The following ANKS1B variants were observed in gnomAD, a reference collection of about 807,000 sequenced individuals.
The protein encoded by ANKS1B is ankyrin repeat and sterile alpha motif domain containing 1B.
A neutral mutation model predicts 148.3 loss-of-function variants in ANKS1B; 36 were observed. The ratio of observed to expected loss-of-function variants is 0.24; its 90% CI spans 0.19 to 0.32. The LOEUF (loss-of-function observed/expected upper bound fraction) is 0.32, where lower values mean the gene tolerates loss of function less well. Among genes scored for constraint, ANKS1B ranks in the 10% least tolerant of loss-of-function variants. ANKS1B has a pLI of 1.00. For missense variants in ANKS1B, 1,157 were observed against 1,542.6 expected (o/e 0.75, Z 4.19); for synonymous variants, 542 against 560.8 (o/e 0.97, Z 0.47).
At chr12:99,793,971 C>T (rs990495465) in intron 4 of ANKS1B, among the ~76,000 whole-genome samples, 2 of 151,816 alleles carry the variant, frequency 1.3e-5, no homozygotes, top group Non-Finnish European at 2.9e-5. Flanking sequence ...AAAAACTTTA[C>T]AGGAAAACAT....
intron 17 of ANKS1B, among the ~76,000 whole-genome samples, chr12:98,953,537 GTTTTTTTTTTTTTTTTTTT>G (rs1166158783): frequency 1.7e-5 from 1 of 57,424 alleles, no homozygotes; most frequent in Non-Finnish European, 3.2e-5. Flanking sequence ...ATCTAGAGTG[GTTTTTTTTTTTTTTTTTTT>G]TTTTTTTTTT....
intron 12 of ANKS1B, among the ~76,000 whole-genome samples, chr12:99,276,677 C>T (rs1441763826): frequency 6.6e-6 from 1 of 152,106 alleles, no homozygotes; most frequent in Non-Finnish European, 1.5e-5. Context: ...TTATGGCAGC[C>T]CTAGTAAAAG....
At chr12:99,275,481 C>T (rs1237259473) in intron 12 of ANKS1B, among the ~76,000 whole-genome samples, 1 of 152,202 alleles carries the variant, frequency 6.6e-6, no homozygotes, top group Non-Finnish European at 1.5e-5. Context: ...CTTAACATAA[C>T]ATCCTCCAGT....
intron 19 of ANKS1B, among the ~76,000 whole-genome samples, chr12:98,816,511 C>T (rs1419968521): frequency 6.6e-6 from 1 of 152,122 alleles, no homozygotes; most frequent in African/African-American, 2.4e-5. Flanking sequence ...GGCCAGGTCT[C>T]GGACTCCTGG....
intron 17 of ANKS1B, among the ~76,000 whole-genome samples, chr12:98,917,660 TAATG>T (rs2099796218): frequency 6.6e-6 from 1 of 152,204 alleles, no homozygotes; most frequent in Admixed American, 6.5e-5. Flanking sequence ...TTATCCCAGT[TAATG>T]AATCTCATGA....
intron 12 of ANKS1B, among the ~76,000 whole-genome samples, chr12:99,369,795 C>CGGAG: frequency 1.1e-5 from 1 of 91,176 alleles, no homozygotes; most frequent in African/African-American, 4.4e-5. Context: ...GATAGATGGA[C>CGGAG]GGACGGACAG....
Position 99,382,682 on chromosome 12 carries a change from A to G in ANKS1B, c.1756+16949T>C, listed in dbSNP as rs113833184. On this transcript the variant is annotated intron_variant, in intron 12 of 26. Coordinates refer to ENST00000683438, the MANE Select transcript of ANKS1B (RefSeq NM_001352186.2). ...CACTGCACTCCAGCCTGGGTTGCAG[A>G]GTGGGACTCTGTATTAAAAAAAAAA... Among the ~76,000 whole-genome samples the G allele has an allele frequency of 3.6e-3, 471 of 130,708 alleles. 1 individual carries two copies. The highest frequency in any genetic ancestry group is 0.013 in the African/African-American group (463 of 35,232). 85.7% of individuals were successfully genotyped at this position (130,708 alleles called of 152,430 possible). A position where few individuals can be genotyped will look rare whatever the true frequency, so the allele number is the denominator to read the frequency against.
At chr12:98,818,084 G>GT (rs763218250) in intron 19 of ANKS1B, among the ~76,000 whole-genome samples, 21 of 151,828 alleles carry the variant, frequency 1.4e-4, no homozygotes, top group Non-Finnish European at 2.8e-4. Context: ...CAAGTTTAAG[G>GT]TTTTCCTTCC....
rs565351837 is a variant in ANKS1B at position 99,316,021 on chromosome 12, C to T, written c.1757-69157G>A. 1.2e-4 allele frequency among the ~76,000 whole-genome samples: 18 copies of T among 152,216 alleles called. No homozygotes were observed. The South Asian group carries it at 1.7e-3, about 14-fold the overall frequency. On this transcript the variant is annotated intron_variant, in intron 12 of 26. Coordinates refer to ENST00000683438, the MANE Select transcript of ANKS1B (RefSeq NM_001352186.2). ...GAACTCATCATTTTTTATGGCTGCA[C>T]AGTATTCCATGGTGTATATGTGCCA...
At chr12:98,739,976 C>T (rs910202940), downstream of ANKS1B, among the ~76,000 whole-genome samples, 1 of 152,140 alleles carries the variant, frequency 6.6e-6, no homozygotes, top group African/African-American at 2.4e-5. Flanking sequence ...ACATTGCTTA[C>T]TTAGCAGGAA....
intron 12 of ANKS1B, among the ~76,000 whole-genome samples, chr12:99,275,216 TTTTAG>T (rs2077525568): frequency 6.6e-6 from 1 of 152,166 alleles, no homozygotes; most frequent in South Asian, 2.1e-4. Flanking sequence ...AATTCTACCT[TTTTAG>T]TTATTTTAAA....
chr12:99,246,333 T>G lies in ANKS1B; in HGVS notation c.2288A>C (p.Glu763Ala), dbSNP rs2073884505. ...RVNWSESSTA[E>A]HSSKGNSERT... Reference sequence around the variant, plus strand: ...TTCAGAATTCCCTTTAGAACTGTGTTCAGCAGTGGAAGATTCACTCCAGTT... The same window carrying G: ...TTCAGAATTCCCTTTAGAACTGTGTGCAGCAGTGGAAGATTCACTCCAGTT... Residue 763 changes from glutamate (E) to alanine (A), a missense_variant, in exon 13 of 27, where the codon GAA becomes GCA. Physicochemically the swap from Glu to Ala is moderately radical, Grantham distance 107. Around this residue, in one of 6 missense-constraint regions of ANKS1B, gnomAD observed 661 missense variants for 642.1 expected, o/e 1.03. Transcript: ENST00000683438. The G allele has an allele frequency of 1.1e-5, 18 of 1,612,638 alleles. No individual in the cohort carries two copies. Among genetic ancestry groups the G allele is most frequent in the Non-Finnish European group, 1.4e-5 (16 of 1,179,318 alleles).
At chr12:99,434,233 ACTATATT>A (rs1314096245) in intron 11 of ANKS1B, among the ~76,000 whole-genome samples, 1 of 152,140 alleles carries the variant, frequency 6.6e-6, no homozygotes, top group Non-Finnish European at 1.5e-5. Context: ...GGAAGGATAG[ACTATATT>A]TCAAATTCTA....
chr12:99,622,546 G>A (rs1237939103), intron 9 of ANKS1B, among the ~76,000 whole-genome samples: 1 of 151,846 alleles, frequency 6.6e-6, no homozygotes, highest in Non-Finnish European at 1.5e-5. Context: ...AAATGACAAA[G>A]GTGACATACA....
At chr12:99,848,784 T>TA (rs772275282) in intron 1 of ANKS1B, among the ~76,000 whole-genome samples, 19 of 151,260 alleles carry the variant, frequency 1.3e-4, no homozygotes. Flanking sequence ...CACAGCCCAA[T>TA]AAAAAATGAG....
intron 12 of ANKS1B, among the ~76,000 whole-genome samples, chr12:99,256,680 C>T (rs1341799745): frequency 6.6e-6 from 1 of 151,948 alleles, no homozygotes; most frequent in Admixed American, 6.6e-5. Context: ...AGAAATTATT[C>T]CACTTTTTTG....
chr12:98,800,960 C>T (rs781490774), intron 21 of ANKS1B, 37 bp downstream of exon 21: 32 of 1,596,550 alleles, frequency 2.0e-5, no homozygotes, highest in Admixed American at 3.4e-5. Flanking sequence ...CCCCCTATCT[C>T]CACTTAGGCC....
intron 17 of ANKS1B, among the ~76,000 whole-genome samples, chr12:98,835,105 T>TTATTA (rs962660354): frequency 2.6e-5 from 1 of 38,566 alleles, no homozygotes; most frequent in African/African-American, 2.4e-4. Context: ...TTAATTATTA[T>TTATTA]TATTATTATT....
intron 17 of ANKS1B, chr12:98,954,356 C>A (rs1452156559): frequency 1.3e-5 from 2 of 152,156 alleles, no homozygotes; most frequent in Non-Finnish European, 2.9e-5. Context: ...GGAAAAAACT[C>A]CCAAGACTCC....
Sources: allele counts gnomAD v4.1 joint callset (sites outside exome capture counted in the v4.1 genomes callset), GRCh38; gene constraint gnomAD v4.1.1; regional missense constraint gnomAD v4.1.1; transcripts MANE v1.5; gene names NCBI Gene and HGNC (gene_info 2026-07-23, HGNC 2026-07-21).